The following CCDC146 variants were observed in gnomAD, a reference collection of about 807,000 sequenced individuals.
The protein encoded by CCDC146 is coiled-coil domain containing 146, also known as coiled-coil domain-containing protein 146.
CCDC146 carries 92 observed loss-of-function variants against 119.3 expected under a neutral mutation model. That is an observed-to-expected ratio of 0.77 (90% CI 0.65 to 0.92). CCDC146 has a LOEUF of 0.92. Ranked by LOEUF, CCDC146 falls within the 40% of genes least tolerant of loss-of-function variation. The pLI is 0.00. For synonymous variants in CCDC146, 372 were observed against 371.8 expected (o/e 1.00, Z -0.01); for missense variants, 1,000 against 1,103.0 (o/e 0.91, Z 1.32).
At chr7:77,179,196 A>G (rs1791544190) in intron 2 of CCDC146, among the ~76,000 whole-genome samples, 1 of 152,230 alleles carries the variant, frequency 6.6e-6, no homozygotes, top group Non-Finnish European at 1.5e-5. Flanking sequence ...AAGTTAAGGA[A>G]CAGAGTATCA....
chr7:77,127,668 T>G (rs1453743562), intron 1 of CCDC146, among the ~76,000 whole-genome samples: 1 of 152,142 alleles, frequency 6.6e-6, no homozygotes, highest in Non-Finnish European at 1.5e-5. Context: ...TGGTTTAGTT[T>G]TATTTGTCCT....
intron 4 of CCDC146, 121 bp from the exon 5 acceptor site, chr7:77,254,385 A>C: frequency 1.7e-6 from 1 of 597,568 alleles, no homozygotes; most frequent in Non-Finnish European, 2.9e-6. Flanking sequence ...AAGAATGGAC[A>C]CCAGGTTGCC....
intron 1 of CCDC146, among the ~76,000 whole-genome samples, chr7:77,133,783 A>G (rs974147929): frequency 9.9e-5 from 15 of 151,386 alleles, no homozygotes; most frequent in Non-Finnish European, 2.1e-4. Flanking sequence ...CATCCTAACA[A>G]ATAAAAAGCT....
In CCDC146 at chr7:77,294,988, G is replaced by T; in HGVS notation, c.*122G>T. 3 of 748,082 alleles carry T rather than the reference G, an allele frequency of 4.0e-6. No homozygotes were observed. Among genetic ancestry groups the T allele is most frequent in the Non-Finnish European group, 6.4e-6 (3 of 467,502 alleles). 46.3% of individuals were successfully genotyped at this position (748,082 alleles called of 1,614,324 possible). On this transcript the variant is annotated 3_prime_UTR_variant, in exon 19 of 19. Coordinates refer to ENST00000285871, the MANE Select transcript of CCDC146 (RefSeq NM_020879.3). The stretch of plus-strand genomic sequence containing the variant: ...TTGATAAGTAAGGTAACCACAATTA[G>T]TCAGCAACAGAGTACAACAGGGTTT...
At chr7:77,161,811 CTA>C (rs1285577283) in intron 1 of CCDC146, among the ~76,000 whole-genome samples, 1 of 151,936 alleles carries the variant, frequency 6.6e-6, no homozygotes, top group Non-Finnish European at 1.5e-5. Context: ...AAAAAAATTA[CTA>C]TCTTTTGTTT....
chr7:77,124,193 A>G (rs1254839602), intron 1 of CCDC146, among the ~76,000 whole-genome samples: 2 of 152,232 alleles, frequency 1.3e-5, no homozygotes, highest in Non-Finnish European at 2.9e-5. Flanking sequence ...TCTATGTTGC[A>G]TAATCATTAT....
chr7:77,263,169 G>A (rs1269932049), intron 9 of CCDC146, among the ~76,000 whole-genome samples: 1 of 152,156 alleles, frequency 6.6e-6, no homozygotes, highest in Non-Finnish European at 1.5e-5. Flanking sequence ...CTCCTCCTGG[G>A]CACATAGAAA....
At chr7:77,124,764 A>T (rs1344152724) in intron 1 of CCDC146, among the ~76,000 whole-genome samples, 1 of 152,358 alleles carries the variant, frequency 6.6e-6, no homozygotes, top group East Asian at 1.9e-4. Context: ...TTTAGAGTTC[A>T]ATTCAGCAAT....
At chr7:77,264,239 A>C (rs1793357802) in intron 9 of CCDC146, among the ~76,000 whole-genome samples, 1 of 152,008 alleles carries the variant, frequency 6.6e-6, no homozygotes, top group Non-Finnish European at 1.5e-5. Context: ...TAGATTCTGC[A>C]TGGTATTATT....
intron 1 of CCDC146, among the ~76,000 whole-genome samples, chr7:77,131,536 G>C (rs1166231107): frequency 6.6e-6 from 1 of 151,964 alleles, no homozygotes; most frequent in Non-Finnish European, 1.5e-5. Flanking sequence ...TGGCCAACGT[G>C]GCGAAACCAC....
At chr7:77,248,028 A>C (rs2087103981) in intron 4 of CCDC146, among the ~76,000 whole-genome samples, 1 of 152,244 alleles carries the variant, frequency 6.6e-6, no homozygotes, top group Non-Finnish European at 1.5e-5. Context: ...TAAGGCATCA[A>C]CCTAAGTGTC....
chr7:77,250,476 C>T (rs969417782), intron 4 of CCDC146, among the ~76,000 whole-genome samples: 2 of 152,188 alleles, frequency 1.3e-5, no homozygotes, highest in Non-Finnish European at 2.9e-5. Flanking sequence ...GGTTTTTTCT[C>T]TCAACACTTT....
At chr7:77,235,177 A>G (rs1764928476) in intron 2 of CCDC146, among the ~76,000 whole-genome samples, 3 of 152,172 alleles carry the variant, frequency 2.0e-5, no homozygotes, top group Admixed American at 2.0e-4. Flanking sequence ...GTGAAGGACA[A>G]GGTAATCTGG....
intron 2 of CCDC146, among the ~76,000 whole-genome samples, chr7:77,197,669 A>G (rs3093276): frequency 0.026 from 3,954 of 152,318 alleles, 155 homozygotes; most frequent in African/African-American, 0.089. Context: ...TTAAAATCCT[A>G]ATGCATAGGA....
rs1790640074 is a variant in CCDC146 at position 77,122,708 on chromosome 7, A to G, written c.-36A>G. 1.1e-5 allele frequency: 2 copies of G among 174,514 alleles called. No individual in the cohort carries two copies. The highest frequency in any genetic ancestry group is 2.5e-5 in the Non-Finnish European group (2 of 79,552). 10.8% of individuals were successfully genotyped at this position (174,514 alleles called of 1,614,324 possible). The stretch of plus-strand genomic sequence containing the variant: ...CCCAAAGAGAAAAATAGGAGCCTAA[A>G]TAAGGATCAGGACCAAGGGAAGGGG... On this transcript the variant is annotated 5_prime_UTR_variant, in exon 1 of 19. Transcript: ENST00000285871.
chr7:77,148,842 A>C (rs766918528), intron 1 of CCDC146, among the ~76,000 whole-genome samples: 26 of 151,864 alleles, frequency 1.7e-4, no homozygotes, highest in Non-Finnish European at 2.8e-4. Flanking sequence ...ACACAAACAA[A>C]TGGAAAAACA....
At chr7:77,182,009 A>G (rs1205809657) in intron 2 of CCDC146, among the ~76,000 whole-genome samples, 1 of 152,196 alleles carries the variant, frequency 6.6e-6, no homozygotes, top group East Asian at 1.9e-4. Flanking sequence ...GTTAGAACCT[A>G]ATGCCAAGTT....
intron 1 of CCDC146, among the ~76,000 whole-genome samples, chr7:77,132,880 G>C (rs1164071129): frequency 1.3e-5 from 2 of 151,944 alleles, no homozygotes; most frequent in Non-Finnish European, 2.9e-5. Context: ...TTTTTAAAAA[G>C]TGTTTGGTAG....
intron 7 of CCDC146, 40 bp from the exon 8 acceptor site, chr7:77,259,969 T>G: frequency 1.6e-6 from 1 of 639,498 alleles, no homozygotes; most frequent in Non-Finnish European, 2.6e-6. Context: ...TGTGTGTGTG[T>G]GTGTGTGTGT....
Sources: allele counts gnomAD v4.1 joint callset (sites outside exome capture counted in the v4.1 genomes callset), GRCh38; gene constraint gnomAD v4.1.1; transcripts MANE v1.5; gene names NCBI Gene and HGNC (gene_info 2026-07-23, HGNC 2026-07-21).